Variants in ZNF438 observed in about 807,000 individuals in gnomAD.
ZNF438 encodes zinc finger protein 438.
Under a neutral mutation model 38.0 loss-of-function variants are expected in ZNF438, and 25 were observed. The ratio of observed to expected loss-of-function variants is 0.66; its 90% CI spans 0.48 to 0.92. The LOEUF (loss-of-function observed/expected upper bound fraction) is 0.92, where lower values mean the gene tolerates loss of function less well. Among genes scored for constraint, ZNF438 ranks in the 40% least tolerant of loss-of-function variants. The pLI is 0.00. For missense variants in ZNF438, 1,007 were observed against 999.6 expected, an observed-to-expected ratio of 1.01 and a Z score of -0.10; for synonymous variants, 372 against 364.1, an observed-to-expected ratio of 1.02 and a Z score of -0.25.
chr10:30,931,835 A>AT (rs2045733325), intron 2 of ZNF438, among the ~76,000 whole-genome samples: 1 of 152,222 alleles, frequency 6.6e-6, no homozygotes, highest in African/African-American at 2.4e-5. Flanking sequence ...AAATGAAATA[A>AT]TATATCTCAA....
intron 4 of ZNF438, among the ~76,000 whole-genome samples, chr10:30,870,325 C>T (rs972956501): frequency 3.3e-5 from 5 of 152,136 alleles, no homozygotes; most frequent in African/African-American, 1.2e-4. Context: ...CCACTTGACA[C>T]GCAAATTCCC....
At chr10:30,870,643 A>C (rs2133426360) in intron 4 of ZNF438, among the ~76,000 whole-genome samples, 1 of 152,232 alleles carries the variant, frequency 6.6e-6, no homozygotes, top group African/African-American at 2.4e-5. Context: ...CCTGTCTATT[A>C]AATAAAGTAT....
At chr10:30,881,273 G>A (rs1204080842) in intron 3 of ZNF438, among the ~76,000 whole-genome samples, 2 of 152,092 alleles carry the variant, frequency 1.3e-5, no homozygotes, top group Admixed American at 6.5e-5. Flanking sequence ...TAATAACTGA[G>A]TTTAGCAAGG....
At chr10:31,010,491 AT>A (rs2055568175) in intron 1 of ZNF438, among the ~76,000 whole-genome samples, 1 of 152,122 alleles carries the variant, frequency 6.6e-6, no homozygotes, top group African/African-American at 2.4e-5. Context: ...TCTTGATCTT[AT>A]TTTTTTCCTT....
At chr10:30,880,363 G>A (rs112202246) in intron 3 of ZNF438, among the ~76,000 whole-genome samples, 5,848 of 150,784 alleles carry the variant, frequency 0.039, 362 homozygotes, top group African/African-American at 0.13. Context: ...CCCAGGAGGC[G>A]GAGGCTGCAG....
intron 1 of ZNF438, among the ~76,000 whole-genome samples, chr10:30,964,766 GACCT>G (rs1377306212): frequency 6.6e-6 from 1 of 152,048 alleles, no homozygotes; most frequent in African/African-American, 2.4e-5. Context: ...CTCTGAACAG[GACCT>G]ACCATTACAG....
At chr10:30,941,059 CATTTTATTTT>C (rs58041161) in intron 2 of ZNF438, among the ~76,000 whole-genome samples, 69 of 150,356 alleles carry the variant, frequency 4.6e-4, no homozygotes, top group African/African-American at 1.6e-3. Context: ...TAAAACTGAA[CATTTTATTTT>C]ATTTTATTTT....
In ZNF438 at chr10:30,976,365, A is replaced by T. The variant is rs568979231; in HGVS notation, c.-191-34714T>A. Among the ~76,000 whole-genome samples the T allele has an allele frequency of 1.1e-4, 16 of 152,360 alleles. No homozygotes were observed. In the South Asian group the frequency reaches 3.3e-3, roughly 32 times the overall value. ...AAGTAATGACAAAGAAAGTGTAAAT[A>T]TAACGGGAAGCACAGATTTATGGAG... is the stretch of plus-strand genomic sequence containing the variant. On this transcript the variant is annotated intron_variant, in intron 1 of 5. Coordinates refer to ENST00000413025, the Ensembl canonical transcript of ZNF438.
chr10:31,004,490 G>A (rs566697792), intron 1 of ZNF438, among the ~76,000 whole-genome samples: 2 of 152,182 alleles, frequency 1.3e-5, no homozygotes, highest in African/African-American at 4.8e-5. Flanking sequence ...CAACTGCATG[G>A]AAAACTGCTA....
chr10:30,984,730 A>C (rs2052582935), intron 1 of ZNF438, among the ~76,000 whole-genome samples: 1 of 152,246 alleles, frequency 6.6e-6, no homozygotes, highest in Non-Finnish European at 1.5e-5. Context: ...CCATGTGCAT[A>C]ATACTGTGGA....
intron 3 of ZNF438, among the ~76,000 whole-genome samples, chr10:30,892,616 A>G (rs1168433999): frequency 6.6e-6 from 1 of 151,952 alleles, no homozygotes; most frequent in African/African-American, 2.4e-5. Context: ...AAAAAAAGAG[A>G]ATAAATTGAA....
chr10:30,862,249 T>C (rs953445001), intron 4 of ZNF438, among the ~76,000 whole-genome samples: 6 of 152,182 alleles, frequency 3.9e-5, no homozygotes, highest in East Asian at 1.9e-4. Context: ...TGCACAGATA[T>C]GGCATGGCAA....
At chr10:30,988,774 G>C (rs2053138387) in intron 1 of ZNF438, among the ~76,000 whole-genome samples, 1 of 152,058 alleles carries the variant, frequency 6.6e-6, no homozygotes, top group African/African-American at 2.4e-5. Flanking sequence ...AATTATATAA[G>C]TTTACAGTTT....
At chr10:30,853,999 G>T (rs1022852092) in intron 4 of ZNF438, among the ~76,000 whole-genome samples, 1 of 151,134 alleles carries the variant, frequency 6.6e-6, no homozygotes, top group African/African-American at 2.4e-5. Context: ...CATCTCCAAT[G>T]AATTAATGAA....
chr10:30,862,948 A>G (rs1219800168), intron 4 of ZNF438, among the ~76,000 whole-genome samples: 11 of 152,234 alleles, frequency 7.2e-5, no homozygotes, highest in Admixed American at 7.2e-4. Context: ...TGCAAACTAC[A>G]TTTTAAAAAA....
At chr10:30,937,135 T>C (rs571337715) in intron 2 of ZNF438, among the ~76,000 whole-genome samples, 3 of 152,192 alleles carry the variant, frequency 2.0e-5, no homozygotes, top group Admixed American at 1.3e-4. Context: ...TGGATGAGCC[T>C]AGGGCAGGGG....
rs528022186 is a variant in ZNF438, at chr10:30,901,093, C to T, written c.-32+7840G>A. 9.2e-5 allele frequency among the ~76,000 whole-genome samples: 14 copies of T among 152,262 alleles called. No homozygotes were observed. The South Asian group carries it at 2.9e-3, about 32-fold the overall frequency. ...TTATAGTATTTGCCCATTACTGATA[C>T]ATTAGCAATAAACACTAATAATCAG... On this transcript the variant is annotated intron_variant, in intron 3 of 5. Transcript: ENST00000413025.
intron 3 of ZNF438, among the ~76,000 whole-genome samples, chr10:30,896,030 G>A (rs547138180): frequency 2.0e-5 from 3 of 152,244 alleles, no homozygotes; most frequent in South Asian, 4.1e-4. Flanking sequence ...GGCCAGGCAC[G>A]GTGCCTCACG....
chr10:30,939,392 G>A (rs1248577584), intron 2 of ZNF438, among the ~76,000 whole-genome samples: 2 of 152,108 alleles, frequency 1.3e-5, no homozygotes, highest in Non-Finnish European at 2.9e-5. Context: ...CTGTAAATGT[G>A]TTTTTCTCCC....
Sources: allele counts gnomAD v4.1 joint callset (sites outside exome capture counted in the v4.1 genomes callset), GRCh38; gene constraint gnomAD v4.1.1; transcripts MANE v1.5; gene names NCBI Gene and HGNC (gene_info 2026-07-23, HGNC 2026-07-21).